Variants in SRCIN1 observed in about 807,000 individuals in gnomAD.
SRCIN1 encodes the protein SRC kinase signaling inhibitor 1, also known as P130Cas-associated protein.
A neutral mutation model predicts 116.2 loss-of-function variants in SRCIN1; 50 were observed. The observed-to-expected ratio is 0.43, with a 90% CI of 0.34 to 0.54. SRCIN1 has a LOEUF of 0.54. SRCIN1 is among the 20% of genes least tolerant of loss of function. SRCIN1 has a pLI of 0.02. For missense variants in SRCIN1, 1,446 were observed against 1,672.0 expected, an observed-to-expected ratio of 0.86 and a Z score of 2.36; for synonymous variants, 736 against 750.0, an observed-to-expected ratio of 0.98 and a Z score of 0.30.
chr17:38,541,103 G>C (rs1411352914), intron 18 of SRCIN1, among the ~76,000 whole-genome samples: 3 of 151,972 alleles, frequency 2.0e-5, no homozygotes, highest in African/African-American at 7.3e-5. Flanking sequence ...GCCAGGCTTG[G>C]TGGTGGGCGC....
chr17:38,559,648 C>A lies in SRCIN1; in HGVS notation c.1962G>T (p.Leu654=). 1 of 1,602,836 alleles carries A rather than the reference C, an allele frequency of 6.2e-7. No homozygotes were observed. The highest frequency in any genetic ancestry group is 8.5e-7 in the Non-Finnish European group (1 of 1,179,354). Residue 654 remains leucine (L), a synonymous_variant, in exon 10 of 19, where the codon CTG becomes CTT. Coordinates refer to ENST00000617146, the MANE Select transcript of SRCIN1 (RefSeq NM_025248.3). ...CACTGGCGCTGTTCTGCAGGCCTCG[C>A]AGGTGAAGCTGCATCTGCAGCCGGC... ...AVSRLQMQLH[L]RGLQNSASDL...
intron 8 of SRCIN1, 109 bp downstream of exon 8, chr17:38,560,224 G>T: frequency 7.1e-7 from 1 of 1,403,392 alleles, no homozygotes; most frequent in South Asian, 1.4e-5. Flanking sequence ...AGAAGGGAAG[G>T]GATTCACCCA....
chr17:38,589,829 A>G (rs1908345521), intron 1 of SRCIN1, among the ~76,000 whole-genome samples: 1 of 152,208 alleles, frequency 6.6e-6, no homozygotes, highest in Non-Finnish European at 1.5e-5. Flanking sequence ...CCGAATCTGC[A>G]GCCCATGATT....
chr17:38,596,552 C>T (rs928583965), intron 1 of SRCIN1, among the ~76,000 whole-genome samples: 1 of 152,094 alleles, frequency 6.6e-6, no homozygotes, highest in African/African-American at 2.4e-5. Context: ...AACCTAGACC[C>T]CAAATGATAG....
intron 1 of SRCIN1, among the ~76,000 whole-genome samples, chr17:38,579,966 C>T (rs899268055): frequency 3.3e-5 from 5 of 152,198 alleles, no homozygotes; most frequent in Non-Finnish European, 7.4e-5. Context: ...CTGCACACCC[C>T]AGCCCCACAA....
chr17:38,561,473 T>G lies in SRCIN1; in HGVS notation c.1690A>C (p.Thr564Pro), dbSNP rs1217938997. 6.3e-7 allele frequency: 1 copy of G among 1,587,452 alleles called. No individual in the cohort carries two copies. The highest frequency in any genetic ancestry group is 8.5e-7 in the Non-Finnish European group (1 of 1,174,564). ...GFGPPVPAKD[T>P]ETRERMEAME... is the part of the protein sequence containing the mutation. Reference sequence around the variant, plus strand: ...GTTAACGTCCCTCACCTGGTCTCCGTGTCCTTGGCTGGCACTGGCGGCCCG... The same window carrying G: ...GTTAACGTCCCTCACCTGGTCTCCGGGTCCTTGGCTGGCACTGGCGGCCCG... The change falls in exon 7 of 19, where the codon ACG becomes CCG. Residue 564 changes from threonine to proline, a missense_variant. This residue lies in a region of SRCIN1 where 398 missense variants were observed against 385.6 expected (regional missense o/e 1.03). Transcript: ENST00000617146.
Position 38,558,283 on chromosome 17 carries a change from C to T in SRCIN1, c.2145G>A (p.Val715=). The change falls in exon 11 of 19, where the codon GTG becomes GTA. Residue 715 remains valine (V), a synonymous_variant. Transcript: ENST00000617146. This position sits in a 1 kb window ranked among gnomAD's most constrained non-coding sequence, Gnocchi z 4.6. The stretch of plus-strand genomic sequence containing the variant: ...TGAGATAGCGCAGCCGTTCCTCTTC[C>T]ACCAGGGTGCGCTGCCGCTGCAGCG... ...EDPLQRQRTL[V]EEERLRYLND... 3.1e-6 allele frequency: 5 copies of T among 1,612,524 alleles called. No individual in the cohort carries two copies. Among genetic ancestry groups the T allele is most frequent in the Non-Finnish European group, 4.2e-6 (5 of 1,179,696 alleles).
In SRCIN1 at chr17:38,578,643, G is replaced by A. The variant is rs769956276; in HGVS notation, c.171C>T (p.His57=). 1 of 1,597,550 alleles carries A rather than the reference G, an allele frequency of 6.3e-7. No individual in the cohort carries two copies. The highest frequency in any genetic ancestry group is 8.5e-7 in the Non-Finnish European group (1 of 1,173,480). ...CCAGACTCTGGGCCGCGATCACCGT[G>A]TGCCGCCGCTCGGACGTGTGCACCA... is the stretch of plus-strand genomic sequence containing the variant. The part of the protein sequence containing the change: ...VGLVHTSERR[H]TVIAAQSLEA... Residue 57 remains histidine (H), a synonymous_variant, in exon 2 of 19, where the codon CAC becomes CAT. Transcript: ENST00000617146.
chr17:38,563,184 G>A lies in SRCIN1; in HGVS notation c.740+139C>T, dbSNP rs1188113004. 7.3e-6 allele frequency: 7 copies of A among 956,718 alleles called. No homozygotes were observed. The highest frequency in any genetic ancestry group is 1.1e-5 in the Non-Finnish European group (7 of 646,884). 59.3% of individuals were successfully genotyped at this position (956,718 alleles called of 1,614,324 possible). A position where few individuals can be genotyped will look rare whatever the true frequency, so the allele number is the denominator to read the frequency against. On this transcript the variant is annotated intron_variant, in intron 5 of 18. Transcript: ENST00000617146. This position sits in a 1 kb window ranked among gnomAD's most constrained non-coding sequence, Gnocchi z 5.8. ...GCTGAGATGGCCGAGGAAGGGGGCGGGGCGGTAGGGCTCTGGGAGGGGAGG... is the reference window on the plus strand; with the variant it reads ...GCTGAGATGGCCGAGGAAGGGGGCGAGGCGGTAGGGCTCTGGGAGGGGAGG...
Position 38,543,934 on chromosome 17 carries a change from C to T in SRCIN1, c.3306G>A (p.Val1102=). Residue 1102 remains valine, a synonymous_variant, in exon 18 of 19, where the codon GTG becomes GTA. Transcript: ENST00000617146. ...CCTTCAGCCGAGAGGCCCCCGGAGT[C>T]ACCACCTTCATGGGTGGTACACTGC... The part of the protein sequence containing the change: ...GGGSVPPMKV[V]TPGASRLKAA... 6 of 1,595,820 alleles carry T rather than the reference C, an allele frequency of 3.8e-6. No individual in the cohort carries two copies. Among genetic ancestry groups the T allele is most frequent in the Non-Finnish European group, 5.1e-6 (6 of 1,175,944 alleles).
Position 38,559,742 on chromosome 17 carries a change from G to T in SRCIN1, c.1868C>A (p.Ala623Asp). The T allele has an allele frequency of 6.5e-7, 1 of 1,541,498 alleles. No homozygotes were observed. ...CGGGGGCGGGCCGGACACCGGGGTG[G>T]CCCCGCTGCTCCGGCCGCCTGACCC... ...PCGSGGRSSG[A>D]TPVSGPPPPS... is the part of the protein sequence containing the mutation. Residue 623 changes from alanine (A) to aspartate (D), a missense_variant, in exon 10 of 19, where the codon GCC (alanine) becomes GAC (aspartate). Physicochemically the swap from Ala to Asp is moderately radical, Grantham distance 126. Coordinates refer to ENST00000617146, the MANE Select transcript of SRCIN1 (RefSeq NM_025248.3).
At chr17:38,588,100 TAACAGGC>T (rs56946362) in intron 1 of SRCIN1, among the ~76,000 whole-genome samples, 18 of 150,816 alleles carry the variant, frequency 1.2e-4, no homozygotes, top group East Asian at 3.9e-4. Context: ...CAGAAGCTAA[TAACAGGC>T]AACAGGCAAC....
chr17:38,551,381 C>G lies in SRCIN1; in HGVS notation c.2736G>C (p.Glu912Asp). 1 of 1,608,868 alleles carries G rather than the reference C, an allele frequency of 6.2e-7. No individual in the cohort carries two copies. The highest frequency in any genetic ancestry group is 8.5e-7 in the Non-Finnish European group (1 of 1,177,454). Residue 912 changes from glutamate (E) to aspartate (D), a missense_variant, in exon 15 of 19, where the codon GAG (glutamate) becomes GAC (aspartate). Transcript: ENST00000617146. ...CTGCCCGCTTCTCCTCCCAGTCTCG[C>G]TCTGCAGCCTTAACAGGGAGCCAGG... Reference protein sequence around the residue: ...VDKAVSVEAAERDWEEKRAAL... With the variant: ...VDKAVSVEAADRDWEEKRAAL...
rs567600242 is a variant in SRCIN1, at chr17:38,556,834, C to T, written c.2201+1393G>A. ...GCCAAGGACCAAACACTTATAATGA[C>T]GGTAGCATAAATCTCTCCTTTCGTA... On this transcript the variant is annotated intron_variant, in intron 11 of 18. Transcript: ENST00000617146. Among the ~76,000 whole-genome samples, 14 of 152,278 alleles carry T rather than the reference C, an allele frequency of 9.2e-5. No homozygotes were observed. The East Asian group carries it at 1.7e-3, about 19-fold the overall frequency.
chr17:38,591,699 C>T (rs562623838), intron 1 of SRCIN1, among the ~76,000 whole-genome samples: 7 of 152,182 alleles, frequency 4.6e-5, no homozygotes, highest in Non-Finnish European at 1.0e-4. Context: ...AGGGGGCCAG[C>T]CTGACTCCTC....
Position 38,552,638 on chromosome 17 carries a change from A to G in SRCIN1, c.2333-44T>C. 1 of 1,613,032 alleles carries G rather than the reference A, an allele frequency of 6.2e-7. No homozygotes were observed. On this transcript the variant is annotated intron_variant, in intron 12 of 18. Transcript: ENST00000617146. This position sits in a 1 kb window ranked among gnomAD's most constrained non-coding sequence, Gnocchi z 5.3. ...ATGAGCTGGGGCCAGAGGGAGCACC[A>G]CAGACTGGGAGGAGAGGATGGTGGC...
intron 7 of SRCIN1, among the ~76,000 whole-genome samples, 168 bp from the exon 8 acceptor site, chr17:38,560,593 C>A (rs1906168462): frequency 6.6e-6 from 1 of 152,212 alleles, no homozygotes; most frequent in Non-Finnish European, 1.5e-5. Flanking sequence ...CCCACAGCCT[C>A]CCATCTCACC....
chr17:38,555,170 CACAG>C (rs1293278381), intron 11 of SRCIN1, among the ~76,000 whole-genome samples: 8 of 152,200 alleles, frequency 5.3e-5, no homozygotes, highest in Non-Finnish European at 8.8e-5. Flanking sequence ...CCAGCTTATA[CACAG>C]ACAAACAGTG....
chr17:38,556,857 G>A (rs546506624), intron 11 of SRCIN1, among the ~76,000 whole-genome samples: 9 of 152,280 alleles, frequency 5.9e-5, no homozygotes, highest in East Asian at 1.9e-4. Flanking sequence ...CTCTCCTTTC[G>A]TATCTTCTGG....
Sources: allele counts gnomAD v4.1 joint callset (sites outside exome capture counted in the v4.1 genomes callset), GRCh38; gene constraint gnomAD v4.1.1; regional missense constraint gnomAD v4.1.1; non-coding constraint Gnocchi (gnomAD v3.1); transcripts MANE v1.5; gene names NCBI Gene and HGNC (gene_info 2026-07-23, HGNC 2026-07-21).